The following FMNL2 variants were observed in gnomAD, a reference collection of about 807,000 sequenced individuals.
The protein encoded by FMNL2 is formin like 2.
A neutral mutation model predicts 130.2 loss-of-function variants in FMNL2; 51 were observed. That is an observed-to-expected ratio of 0.39 (90% CI 0.31 to 0.49). The LOEUF is 0.49. FMNL2 is among the 20% of genes least tolerant of loss of function. The probability of loss-of-function intolerance (pLI) is 0.85; values close to 1 mark genes in which losing one functional copy is unlikely to be tolerated. For synonymous variants in FMNL2, 465 were observed against 467.1 expected (o/e 1.00, Z 0.06); for missense variants, 977 against 1,316.2 (o/e 0.74, Z 3.99).
chr2:152,347,741 C>A (rs1433918566), intron 1 of FMNL2, among the ~76,000 whole-genome samples: 1 of 152,114 alleles, frequency 6.6e-6, no homozygotes, highest in Non-Finnish European at 1.5e-5. Flanking sequence ...CCCATCACAG[C>A]CCTATTGTGT....
At chr2:152,397,052 C>T (rs978224918) in intron 1 of FMNL2, among the ~76,000 whole-genome samples, 2 of 152,092 alleles carry the variant, frequency 1.3e-5, no homozygotes, top group Non-Finnish European at 2.9e-5. Context: ...TTTAAAATTG[C>T]AATTAGCATT....
intron 16 of FMNL2, 32 bp from the exon 17 acceptor site, chr2:152,626,493 C>A (rs762619257): frequency 2.6e-6 from 4 of 1,535,788 alleles, no homozygotes; most frequent in South Asian, 1.2e-5. Flanking sequence ...AAATATAATC[C>A]AATTTTCCAT....
intron 1 of FMNL2, among the ~76,000 whole-genome samples, chr2:152,337,097 C>T (rs564231303): frequency 2.6e-5 from 4 of 152,130 alleles, no homozygotes; most frequent in Non-Finnish European, 5.9e-5. Context: ...TCTCCCGCCA[C>T]CTGGAAACTC....
intron 15 of FMNL2, among the ~76,000 whole-genome samples, chr2:152,624,639 G>C (rs1466028191): frequency 6.6e-6 from 1 of 152,112 alleles, no homozygotes; most frequent in Non-Finnish European, 1.5e-5. Context: ...AGGAGTTTGA[G>C]ACCAGCCTGG....
intron 10 of FMNL2, among the ~76,000 whole-genome samples, chr2:152,609,037 C>T (rs991775610): frequency 6.6e-6 from 1 of 152,210 alleles, no homozygotes; most frequent in Non-Finnish European, 1.5e-5. Context: ...ATTCCCTTTG[C>T]GTGACACACA....
At chr2:152,529,274 T>C (rs1424472176) in intron 2 of FMNL2, among the ~76,000 whole-genome samples, 1 of 152,164 alleles carries the variant, frequency 6.6e-6, no homozygotes, top group Non-Finnish European at 1.5e-5. Flanking sequence ...AGGAAAAGGC[T>C]CCAAATGGTT....
At chr2:152,643,084 A>G (rs555867270) in intron 25 of FMNL2, among the ~76,000 whole-genome samples, 18 of 152,260 alleles carry the variant, frequency 1.2e-4, no homozygotes, top group Non-Finnish European at 2.2e-4. Flanking sequence ...CTCCATCCCA[A>G]TTACACCTGG....
At chr2:152,553,132 C>T (rs899327903) in intron 4 of FMNL2, among the ~76,000 whole-genome samples, 4 of 152,118 alleles carry the variant, frequency 2.6e-5, no homozygotes, top group Non-Finnish European at 5.9e-5. Context: ...CTCTCCTGCC[C>T]ACCAGACTTC....
chr2:152,515,266 T>A (rs1485032649), intron 1 of FMNL2, among the ~76,000 whole-genome samples: 3 of 152,200 alleles, frequency 2.0e-5, no homozygotes, highest in African/African-American at 4.8e-5. Flanking sequence ...ATTTGTGTAT[T>A]CATCTTCTTT....
At chr2:152,483,811 T>C (rs1421375091) in intron 1 of FMNL2, among the ~76,000 whole-genome samples, 2 of 152,254 alleles carry the variant, frequency 1.3e-5, no homozygotes, top group Non-Finnish European at 2.9e-5. Context: ...TATTTATTTG[T>C]AGCTAATAGC....
At chr2:152,471,561 T>G (rs1412911160) in intron 1 of FMNL2, among the ~76,000 whole-genome samples, 2 of 152,138 alleles carry the variant, frequency 1.3e-5, no homozygotes, top group Non-Finnish European at 2.9e-5. Flanking sequence ...GGGGTGGGCG[T>G]CCGGCGCCTG....
intron 1 of FMNL2, among the ~76,000 whole-genome samples, chr2:152,451,112 C>A (rs1331702287): frequency 6.6e-6 from 1 of 152,140 alleles, no homozygotes; most frequent in Non-Finnish European, 1.5e-5. Flanking sequence ...TCCCTGTATT[C>A]TGTTGGAGGT....
intron 2 of FMNL2, among the ~76,000 whole-genome samples, chr2:152,537,715 A>C (rs1267752302): frequency 6.6e-6 from 1 of 152,238 alleles, no homozygotes; most frequent in Non-Finnish European, 1.5e-5. Flanking sequence ...TCTTTTACAT[A>C]CTGGGACTCA....
At chr2:152,473,184 A>T (rs1689951811) in intron 1 of FMNL2, among the ~76,000 whole-genome samples, 1 of 152,182 alleles carries the variant, frequency 6.6e-6, no homozygotes, top group African/African-American at 2.4e-5. Context: ...CTTTTTTTCA[A>T]TACTTGCACA....
chr2:152,475,185 A>G (rs16831169), intron 1 of FMNL2, among the ~76,000 whole-genome samples: 20,623 of 152,290 alleles, frequency 0.14, 1,802 homozygotes, highest in East Asian at 0.27. Context: ...TGGTGATAGA[A>G]TACTGGAAAA....
At chr2:152,502,919 T>C (rs1691929912) in intron 1 of FMNL2, among the ~76,000 whole-genome samples, 1 of 152,012 alleles carries the variant, frequency 6.6e-6, no homozygotes, top group South Asian at 2.1e-4. Flanking sequence ...GAAGAGATTG[T>C]AAATGGTTGA....
intron 25 of FMNL2, chr2:152,644,034 A>T: frequency 2.8e-6 from 1 of 359,362 alleles, no homozygotes; most frequent in Non-Finnish European, 3.9e-6. Context: ...GTTTGAGACC[A>T]GCCTGGGTAA....
chr2:152,416,830 A>C (rs1326433806), intron 1 of FMNL2, among the ~76,000 whole-genome samples: 1 of 152,232 alleles, frequency 6.6e-6, no homozygotes, highest in Non-Finnish European at 1.5e-5. Flanking sequence ...GGAATTAAAA[A>C]TACAACAACA....
rs546182908 is a variant in FMNL2 at position 152,533,488 on chromosome 2, C to A, written c.202-9251C>A. Among the ~76,000 whole-genome samples the A allele has an allele frequency of 6.7e-5, 10 of 149,822 alleles. No individual in the cohort carries two copies. In the South Asian group the frequency reaches 1.9e-3, roughly 28 times the overall value. On this transcript the variant is annotated intron_variant, in intron 2 of 25. Transcript: ENST00000288670. ...CTACTCATCTATATTTTTATCCTTA[C>A]GCCAATATGTCTCTGGTTTGATTAC...
Sources: allele counts gnomAD v4.1 joint callset (sites outside exome capture counted in the v4.1 genomes callset), GRCh38; gene constraint gnomAD v4.1.1; transcripts MANE v1.5; gene names NCBI Gene and HGNC (gene_info 2026-07-23, HGNC 2026-07-21).